The following ZNF44 variants were observed in gnomAD, a reference collection of about 807,000 sequenced individuals.
The protein encoded by ZNF44 is gonadotropin inducible transcription repressor-2.
In ZNF44, 9 loss-of-function variants were observed where a neutral mutation model predicts 11.7. The observed-to-expected ratio is 0.77, with a 90% CI of 0.46 to 1.35. ZNF44 has a LOEUF of 1.35. ZNF44 is among the 40% of genes most tolerant of loss of function. The pLI, the probability that ZNF44 is intolerant of heterozygous loss-of-function variation, is 0.00. For synonymous variants in ZNF44, 224 were observed against 242.7 expected, an observed-to-expected ratio of 0.92 and a Z score of 0.72; for missense variants, 696 against 743.1, an observed-to-expected ratio of 0.94 and a Z score of 0.74.
At chr19:12,263,937 A>G (rs1370280625) in intron 5 of ZNF44, among the ~76,000 whole-genome samples, 2 of 151,744 alleles carry the variant, frequency 1.3e-5, no homozygotes, top group African/African-American at 2.4e-5. Flanking sequence ...AAAAAAAAAA[A>G]AAAAAATTAG....
chr19:12,259,866 T>C (rs530763505), intron 5 of ZNF44, among the ~76,000 whole-genome samples: 3 of 152,348 alleles, frequency 2.0e-5, no homozygotes, highest in East Asian at 3.9e-4. Context: ...AATAGCACTT[T>C]AGGGTCTTGG....
rs570564956 is a variant in ZNF44, at chr19:12,293,190, G to A, written c.3+1502C>T. ...CAGCCCAGGGGTTAGCTTTTTACAG[G>A]AATGATATACCAGAAGATTCCTCCC... On this transcript the variant is annotated intron_variant, in intron 1 of 3. Transcript: ENST00000355684. The A allele has an allele frequency of 2.5e-3, 3,873 of 1,522,756 alleles. 38 individuals carry two copies. The highest frequency in any genetic ancestry group is 3.1e-3 in the Non-Finnish European group (3,557 of 1,136,774). The allele number at this position is 1,522,756 out of a possible 1,614,324, so 94.3% of individuals were successfully genotyped here. A position where few individuals can be genotyped will look rare whatever the true frequency, so the allele number is the denominator to read the frequency against.
intron 5 of ZNF44, chr19:12,266,130 G>T: frequency 4.0e-6 from 2 of 495,206 alleles, no homozygotes; most frequent in Non-Finnish European, 5.2e-6. Flanking sequence ...CCACCCTGCG[G>T]CCAAGGGGAC....
downstream of ZNF44, chr19:12,247,277 C>G: frequency 8.2e-7 from 1 of 1,213,820 alleles, no homozygotes. Context: ...TTTATAGTTT[C>G]TATTCAGCGT....
chr19:12,265,807 A>AGG, intron 5 of ZNF44, among the ~76,000 whole-genome samples: 1 of 152,372 alleles, frequency 6.6e-6, no homozygotes, highest in Middle Eastern at 3.4e-3. Flanking sequence ...ATAGATTATT[A>AGG]AAACACAGTA....
downstream of ZNF44, among the ~76,000 whole-genome samples, chr19:12,245,161 A>G (rs1412416814): frequency 1.3e-5 from 2 of 152,206 alleles, no homozygotes; most frequent in East Asian, 3.8e-4. Flanking sequence ...AAAGAAAAAA[A>G]GTACTTGGAC....
chr19:12,272,496 G>T lies in ZNF44; in HGVS notation c.1759C>A (p.Pro587Thr). Residue 587 changes from proline to threonine, a missense_variant, in exon 4 of 4, where the codon CCC (proline) becomes ACC (threonine). Pro to Thr is a conservative substitution (Grantham distance 38, BLOSUM62 -1). Coordinates refer to ENST00000355684, the MANE Select transcript of ZNF44 (RefSeq NM_016264.4). ...TTCCCACATTCCTTACATTCATAGGGCTTCTCTCCAGTGTGAGTTCTTTCA... is the reference window on the plus strand; with the variant it reads ...TTCCCACATTCCTTACATTCATAGGTCTTCTCTCCAGTGTGAGTTCTTTCA... ...EHERTHTGEK[P>T]YECKECGKAF... The T allele has an allele frequency of 6.2e-7, 1 of 1,612,090 alleles. No individual in the cohort carries two copies. The highest frequency in any genetic ancestry group is 8.5e-7 in the Non-Finnish European group (1 of 1,179,448).
At chr19:12,255,121 C>G (rs1386696643) in intron 5 of ZNF44, among the ~76,000 whole-genome samples, 1 of 140,476 alleles carries the variant, frequency 7.1e-6, no homozygotes, top group African/African-American at 2.5e-5. Context: ...CACACACACA[C>G]ACACACACAC....
intron 2 of ZNF44, among the ~76,000 whole-genome samples, chr19:12,275,710 C>T (rs1156528196): frequency 6.6e-6 from 1 of 152,150 alleles, no homozygotes; most frequent in Non-Finnish European, 1.5e-5. Flanking sequence ...GTATGCAATA[C>T]ATATGACATA....
chr19:12,282,488 C>G (rs1014962264), intron 1 of ZNF44, among the ~76,000 whole-genome samples: 1 of 146,624 alleles, frequency 6.8e-6, no homozygotes, highest in Non-Finnish European at 1.5e-5. Flanking sequence ...ATAGCACGAT[C>G]TCAGCTCACT....
intron 1 of ZNF44, among the ~76,000 whole-genome samples, chr19:12,286,576 G>A (rs975319413): frequency 6.6e-6 from 1 of 151,812 alleles, no homozygotes; most frequent in Non-Finnish European, 1.5e-5. Flanking sequence ...GAGGTAGGTT[G>A]CAGTGAGCTG....
At chr19:12,289,643 CTTTT>C (rs34329118) in intron 1 of ZNF44, among the ~76,000 whole-genome samples, 1 of 117,904 alleles carries the variant, frequency 8.5e-6, no homozygotes, top group Non-Finnish European at 1.7e-5. Context: ...TAAACTCATT[CTTTT>C]TTTTTTTTTT....
intron 1 of ZNF44, 173 bp from the exon 2 acceptor site, chr19:12,276,255 T>A: frequency 1.9e-6 from 2 of 1,034,744 alleles, no homozygotes; most frequent in South Asian, 2.6e-5. Context: ...GGAATTCTGA[T>A]GCTGGAATTG....
chr19:12,241,693 G>A (rs957286063), upstream of ZNF44, among the ~76,000 whole-genome samples: 65 of 152,170 alleles, frequency 4.3e-4, no homozygotes, highest in African/African-American at 1.6e-3. Context: ...AGACTCCGTT[G>A]CAATCAATCA....
At chr19:12,258,155 C>T (rs74181644) in intron 5 of ZNF44, among the ~76,000 whole-genome samples, 1 of 91,450 alleles carries the variant, frequency 1.1e-5, no homozygotes, top group African/African-American at 5.0e-5. Flanking sequence ...GAGATCTCAT[C>T]TCTACAAAAA....
chr19:12,246,830 A>G (rs960845267), downstream of ZNF44, among the ~76,000 whole-genome samples: 1 of 150,636 alleles, frequency 6.6e-6, no homozygotes, highest in Non-Finnish European at 1.5e-5. Context: ...GTCCGCGGCC[A>G]GCCTGGGCAA....
chr19:12,243,722 G>GTT (rs1055035801), downstream of ZNF44, among the ~76,000 whole-genome samples: 2 of 148,478 alleles, frequency 1.3e-5, no homozygotes, highest in African/African-American at 5.0e-5. Flanking sequence ...GGTAGTTTTT[G>GTT]TTTTTTTTTG....
At chr19:12,229,940 T>C (rs1220503043) in intron 3 of ZNF44, among the ~76,000 whole-genome samples, 1 of 152,112 alleles carries the variant, frequency 6.6e-6, no homozygotes, top group East Asian at 1.9e-4. Flanking sequence ...AGAAAGATTT[T>C]ATGAGAGGTG....
intron 5 of ZNF44, chr19:12,260,468 C>T (rs1353541580): frequency 2.2e-6 from 3 of 1,349,814 alleles, no homozygotes; most frequent in Admixed American, 2.0e-5. Context: ...GCAGGGTCAG[C>T]GCCATCCTGT....
Sources: gnomAD v4.1 joint callset for allele counts (sites outside exome capture counted in the v4.1 genomes callset) on GRCh38, gnomAD v4.1.1 for gene constraint, MANE v1.5 for transcripts, NCBI Gene and HGNC (gene_info 2026-07-23, HGNC 2026-07-21) for gene names.